Variants in SKIC3 observed in about 807,000 individuals in gnomAD.
SKIC3 encodes SKI3 subunit of superkiller complex.
chr5:95,480,355 C>A, the SKIC3 span, among the ~76,000 whole-genome samples: 1 of 151,822 alleles, frequency 6.6e-6, no homozygotes, highest in African/African-American at 2.4e-5. Flanking sequence ...ATAATAAATT[C>A]CAATAATTTA....
At chr5:95,548,503 A>G in the SKIC3 span, 14 of 152,064 alleles carry the variant, frequency 9.2e-5, no homozygotes, top group African/African-American at 3.1e-4. Context: ...CCTAGTTACA[A>G]TAATTATATA....
At chr5:95,548,943 G>A in the SKIC3 span, among the ~76,000 whole-genome samples, 6 of 151,936 alleles carry the variant, frequency 3.9e-5, no homozygotes, top group Non-Finnish European at 7.4e-5. Flanking sequence ...AAACAAGGCA[G>A]GACCAACCAC....
the SKIC3 span, chr5:95,495,015 TC>T: frequency 6.2e-7 from 1 of 1,613,514 alleles, no homozygotes; most frequent in Non-Finnish European, 8.5e-7. Flanking sequence ...CTACAACACC[TC>T]CCTAGAACAG....
the SKIC3 span, chr5:95,478,573 CA>C: frequency 1.6e-6 from 2 of 1,252,280 alleles, no homozygotes; most frequent in Admixed American, 2.0e-5. Flanking sequence ...GTTCTGTGCC[CA>C]AAAAACAATT....
chr5:95,512,523 C>T, the SKIC3 span: 2 of 1,614,014 alleles, frequency 1.2e-6, no homozygotes, highest in Non-Finnish European at 1.7e-6. Context: ...TAGCATTCAT[C>T]TGGAGGATGT....
the SKIC3 span, among the ~76,000 whole-genome samples, chr5:95,544,807 A>G: frequency 6.6e-6 from 1 of 152,232 alleles, no homozygotes; most frequent in Admixed American, 6.5e-5. Context: ...AATGTGGTGA[A>G]GGCAGGTATG....
the SKIC3 span, chr5:95,513,348 T>A: frequency 6.0e-6 from 3 of 500,282 alleles, no homozygotes; most frequent in Non-Finnish European, 1.1e-5. Context: ...GGACTACAGG[T>A]ATACACCATC....
At chr5:95,503,028 C>T in the SKIC3 span, 1 of 1,613,268 alleles carries the variant, frequency 6.2e-7, no homozygotes, top group Non-Finnish European at 8.5e-7. Context: ...TGAAAACAAA[C>T]AAAACAATAT....
the SKIC3 span, among the ~76,000 whole-genome samples, chr5:95,516,097 G>A: frequency 6.6e-6 from 1 of 152,164 alleles, no homozygotes; most frequent in East Asian, 1.9e-4. Flanking sequence ...GAATCAAACT[G>A]TTTTAATCTC....
At chr5:95,513,610 G>C in the SKIC3 span, 6 of 1,613,580 alleles carry the variant, frequency 3.7e-6, no homozygotes, top group South Asian at 1.1e-5. Context: ...AGAGATCCAT[G>C]GTGTCATAAC....
chr5:95,486,154 G>A, the SKIC3 span, among the ~76,000 whole-genome samples: 1 of 152,112 alleles, frequency 6.6e-6, no homozygotes, highest in Non-Finnish European at 1.5e-5. Flanking sequence ...CTAGAGTGAG[G>A]CACTATTTTG....
the SKIC3 span, among the ~76,000 whole-genome samples, chr5:95,480,980 G>C: frequency 6.6e-6 from 1 of 152,102 alleles, no homozygotes; most frequent in Non-Finnish European, 1.5e-5. Flanking sequence ...AAGATCAACT[G>C]ACAGAGGCCT....
At chr5:95,510,168 A>G in the SKIC3 span, among the ~76,000 whole-genome samples, 1 of 152,204 alleles carries the variant, frequency 6.6e-6, no homozygotes, top group African/African-American at 2.4e-5. Flanking sequence ...TTGAAATTTT[A>G]ATGTCAAAAA....
chr5:95,552,597 A>G, the SKIC3 span, among the ~76,000 whole-genome samples: 1 of 152,120 alleles, frequency 6.6e-6, no homozygotes, highest in Non-Finnish European at 1.5e-5. Flanking sequence ...CGCCTGGGGA[A>G]AAACAAGCCA....
the SKIC3 span, among the ~76,000 whole-genome samples, chr5:95,542,422 G>A: frequency 3.3e-5 from 5 of 152,056 alleles, no homozygotes; most frequent in South Asian, 2.1e-4. Flanking sequence ...CACTGGTGGC[G>A]GGGGAGGCAG....
At chr5:95,512,376 A>ATATTG in the SKIC3 span, 1 of 1,379,534 alleles carries the variant, frequency 7.2e-7, no homozygotes, top group Non-Finnish European at 1.0e-6. Flanking sequence ...CATGTCTTAA[A>ATATTG]GAATACCAAT....
the SKIC3 span, chr5:95,536,697 G>C: frequency 1.2e-6 from 1 of 832,480 alleles, no homozygotes; most frequent in African/African-American, 1.7e-5. Flanking sequence ...TTCTTTTTAT[G>C]TCCAGAAACA....
At chr5:95,496,644 A>G in the SKIC3 span, among the ~76,000 whole-genome samples, 3 of 152,214 alleles carry the variant, frequency 2.0e-5, no homozygotes, top group Non-Finnish European at 4.4e-5. Flanking sequence ...CCTTAATTCT[A>G]GGCCTCAAAT....
At chr5:95,494,119 G>A in the SKIC3 span, among the ~76,000 whole-genome samples, 1 of 152,068 alleles carries the variant, frequency 6.6e-6, no homozygotes, top group African/African-American at 2.4e-5. Context: ...CCATATTGAT[G>A]CAAAATGGAA....
Sources: allele counts gnomAD v4.1 joint callset (sites outside exome capture counted in the v4.1 genomes callset), GRCh38; gene constraint gnomAD v4.1.1; transcripts MANE v1.5; gene names NCBI Gene and HGNC (gene_info 2026-07-23, HGNC 2026-07-21).